TFB2M: variants seen among roughly 807,000 people sequenced by gnomAD.
The protein encoded by TFB2M is transcription factor B2, mitochondrial, also known as dimethyladenosine transferase 2, mitochondrial.
TFB2M carries 44 observed loss-of-function variants against 41.3 expected under a neutral mutation model. That is an observed-to-expected ratio of 1.07 (90% CI 0.84 to 1.37). TFB2M has a LOEUF of 1.37. TFB2M is among the 40% of genes most tolerant of loss of function. The pLI, the probability that TFB2M is intolerant of heterozygous loss-of-function variation, is 0.00. For missense variants in TFB2M, 496 were observed against 490.2 expected, an observed-to-expected ratio of 1.01 and a Z score of -0.11; for synonymous variants, 188 against 176.8, an observed-to-expected ratio of 1.06 and a Z score of -0.50.
In TFB2M at chr1:246,540,975, T is replaced by C; in HGVS notation, c.*56A>G. ...GGATGTGAGTTTTCAAATTTGGTTT[T>C]CATGTCATAGTTTCCAAATAAATGA... On this transcript the variant is annotated 3_prime_UTR_variant, in exon 8 of 8. Transcript: ENST00000366514. The C allele has an allele frequency of 6.5e-7, 1 of 1,544,566 alleles. No homozygotes were observed. Among genetic ancestry groups the C allele is most frequent in the East Asian group, 2.3e-5 (1 of 44,024 alleles).
At chr1:246,565,287 G>T (rs1005003284) in intron 1 of TFB2M, among the ~76,000 whole-genome samples, 1 of 152,224 alleles carries the variant, frequency 6.6e-6, no homozygotes, top group African/African-American at 2.4e-5. Context: ...GGGGAGATAA[G>T]ATCTAAGAGC....
At chr1:246,551,404 T>G in intron 4 of TFB2M, 102 bp from the exon 5 acceptor site, 1 of 814,942 alleles carries the variant, frequency 1.2e-6, no homozygotes, top group Non-Finnish European at 2.0e-6. Context: ...TCTAGACATT[T>G]AAGAAAAGAA....
chr1:246,541,892 T>C (rs1195943582), intron 7 of TFB2M, among the ~76,000 whole-genome samples: 1 of 152,224 alleles, frequency 6.6e-6, no homozygotes, highest in Non-Finnish European at 1.5e-5. Flanking sequence ...AGCCGCAAAC[T>C]TCCTTATACA....
At chr1:246,561,229 AC>A (rs1014107939) in intron 2 of TFB2M, among the ~76,000 whole-genome samples, 1 of 152,236 alleles carries the variant, frequency 6.6e-6, no homozygotes, top group Non-Finnish European at 1.5e-5. Flanking sequence ...GAGAATATGT[AC>A]TAAGGGTTGA....
intron 2 of TFB2M, 119 bp downstream of exon 2, chr1:246,564,227 C>T: frequency 5.0e-6 from 4 of 795,000 alleles, no homozygotes; most frequent in Non-Finnish European, 6.1e-6. Context: ...CAAGATATTT[C>T]AGAGATGGCT....
chr1:246,546,451 C>G (rs1000796288), intron 6 of TFB2M, among the ~76,000 whole-genome samples: 4 of 151,874 alleles, frequency 2.6e-5, no homozygotes, highest in Non-Finnish European at 5.9e-5. Flanking sequence ...CCCATCTTTA[C>G]TAAAAATACA....
chr1:246,554,755 T>C (rs903883854), intron 4 of TFB2M, among the ~76,000 whole-genome samples: 2 of 152,166 alleles, frequency 1.3e-5, no homozygotes, highest in African/African-American at 4.8e-5. Flanking sequence ...GTAAAAACTG[T>C]CTTCCACAAA....
chr1:246,565,655 G>T (rs530338506), intron 1 of TFB2M, among the ~76,000 whole-genome samples, 171 bp downstream of exon 1: 6 of 152,224 alleles, frequency 3.9e-5, no homozygotes, highest in African/African-American at 1.4e-4. Context: ...GAGGTTGCAG[G>T]GAGCCGAGAT....
At chr1:246,542,533 C>T (rs1052465668) in intron 7 of TFB2M, among the ~76,000 whole-genome samples, 1 of 151,844 alleles carries the variant, frequency 6.6e-6, no homozygotes. Flanking sequence ...GTTAGCTGGG[C>T]ATAGTGGTGG....
chr1:246,548,756 A>G lies in TFB2M; in HGVS notation c.796-149T>C, dbSNP rs1033404022. The G allele has an allele frequency of 4.9e-6, 3 of 613,466 alleles. No homozygotes were observed. The African/African-American group carries it at 5.5e-5, about 11-fold the overall frequency. The allele number at this position is 613,466 out of a possible 1,614,324, so 38.0% of individuals were successfully genotyped here. A position where few individuals can be genotyped will look rare whatever the true frequency, so the allele number is the denominator to read the frequency against. On this transcript the variant is annotated intron_variant, in intron 5 of 7. Coordinates refer to ENST00000366514, the MANE Select transcript of TFB2M (RefSeq NM_022366.3). The stretch of plus-strand genomic sequence containing the variant: ...AAGAAACATGTTATAGCTAAATAAT[A>G]CACATCTCTCTCCTTAATTTTTTTA...
chr1:246,548,586 T>C lies in TFB2M; in HGVS notation c.817A>G (p.Ile273Val). 8.7e-6 allele frequency: 14 copies of C among 1,613,420 alleles called. No homozygotes were observed. Among genetic ancestry groups the C allele is most frequent in the Non-Finnish European group, 1.2e-5 (14 of 1,179,746 alleles). ...TCCAGCGGCCCTTTCCGGGTGTATA[T>C]ATCAAATGATGACCAAGGCTCCTGG... ...LHMEPWSSFDIYTRKGPLENP... is the reference protein window; with the variant it reads ...LHMEPWSSFDVYTRKGPLENP... Residue 273 changes from isoleucine (I) to valine (V), a missense_variant, in exon 6 of 8, where the codon ATA becomes GTA. Ile to Val is a conservative substitution (Grantham distance 29, BLOSUM62 3). Transcript: ENST00000366514.
In TFB2M at chr1:246,566,235, G is replaced by C; in HGVS notation, c.-97C>G. 4.6e-6 allele frequency: 6 copies of C among 1,296,336 alleles called. No homozygotes were observed. The highest frequency in any genetic ancestry group is 6.4e-6 in the Non-Finnish European group (6 of 943,720). 80.3% of individuals were successfully genotyped at this position (1,296,336 alleles called of 1,614,324 possible). On this transcript the variant is annotated 5_prime_UTR_variant, in exon 1 of 8. Coordinates refer to ENST00000366514, the MANE Select transcript of TFB2M (RefSeq NM_022366.3). ...CCACGTGGAACATTTTCTGGCGTCC[G>C]GGCCAGGTCAAGCGGAAGTAAACAC...
At chr1:246,546,539 G>C (rs1306231102) in intron 6 of TFB2M, among the ~76,000 whole-genome samples, 1 of 151,578 alleles carries the variant, frequency 6.6e-6, no homozygotes, top group Non-Finnish European at 1.5e-5. Flanking sequence ...ACTTGAACTC[G>C]GGAGGTAGGG....
chr1:246,559,622 G>A (rs141951371), intron 2 of TFB2M, among the ~76,000 whole-genome samples: 1 of 152,290 alleles, frequency 6.6e-6, no homozygotes, highest in Non-Finnish European at 1.5e-5. Context: ...AAGACTAGAG[G>A]AAGGGAAAGA....
chr1:246,558,419 T>A (rs1224397618), intron 2 of TFB2M, among the ~76,000 whole-genome samples: 1 of 152,140 alleles, frequency 6.6e-6, no homozygotes, highest in Non-Finnish European at 1.5e-5. Flanking sequence ...AGTGCTGGGA[T>A]TACAGGTGTG....
chr1:246,541,664 AT>A (rs1313160394), intron 7 of TFB2M, among the ~76,000 whole-genome samples: 1 of 152,204 alleles, frequency 6.6e-6, no homozygotes, highest in African/African-American at 2.4e-5. Flanking sequence ...ACTCTAATCA[AT>A]TTTTACACCG....
At chr1:246,543,795 C>A (rs971958788) in intron 7 of TFB2M, among the ~76,000 whole-genome samples, 1 of 146,958 alleles carries the variant, frequency 6.8e-6, no homozygotes, top group African/African-American at 2.7e-5. Context: ...AATTTATAAA[C>A]ACAAAATATA....
At chr1:246,545,380 C>T (rs973278614) in intron 6 of TFB2M, among the ~76,000 whole-genome samples, 30 of 151,688 alleles carry the variant, frequency 2.0e-4, no homozygotes, top group Non-Finnish European at 1.5e-4. Flanking sequence ...AATAAATTAG[C>T]TGGGTGTGGT....
intron 2 of TFB2M, among the ~76,000 whole-genome samples, chr1:246,563,360 T>G (rs750182656): frequency 6.6e-6 from 1 of 152,106 alleles, no homozygotes; most frequent in African/African-American, 2.4e-5. Flanking sequence ...TCCCAGCACT[T>G]TGGGAGGCCA....
Sources: allele counts gnomAD v4.1 joint callset (sites outside exome capture counted in the v4.1 genomes callset), GRCh38; gene constraint gnomAD v4.1.1; transcripts MANE v1.5; gene names NCBI Gene and HGNC (gene_info 2026-07-23, HGNC 2026-07-21).